The following COL11A1 variants were observed in gnomAD, a reference collection of about 807,000 sequenced individuals.
The protein encoded by COL11A1 is collagen alpha-1(XI) chain.
Under a neutral mutation model 265.2 loss-of-function variants are expected in COL11A1, and 74 were observed. That is an observed-to-expected ratio of 0.28 (90% CI 0.23 to 0.34). The LOEUF (loss-of-function observed/expected upper bound fraction) is 0.34, where lower values mean the gene tolerates loss of function less well. Among genes scored for constraint, COL11A1 ranks in the 10% least tolerant of loss-of-function variants. COL11A1 has a pLI of 1.00. For missense variants in COL11A1, 2,165 were observed against 2,263.6 expected (o/e 0.96, Z 0.88); for synonymous variants, 816 against 727.6 (o/e 1.12, Z -1.96).
intron 28 of COL11A1, among the ~76,000 whole-genome samples, chr1:102,993,473 A>T (rs2101776356): frequency 6.6e-6 from 1 of 152,288 alleles, no homozygotes; most frequent in Non-Finnish European, 1.5e-5. Flanking sequence ...AATACTGATA[A>T]TACCTAAGAA....
chr1:103,002,168 T>A (rs1022214585), intron 23 of COL11A1, among the ~76,000 whole-genome samples, 199 bp from the exon 24 acceptor site: 32 of 152,154 alleles, frequency 2.1e-4, no homozygotes, highest in African/African-American at 7.5e-4. Flanking sequence ...TATAATGCGA[T>A]CCTATTCAGA....
intron 4 of COL11A1, among the ~76,000 whole-genome samples, chr1:103,036,298 C>CTGAAAAACAAAAAAGT (rs1359392717): frequency 1.4e-5 from 2 of 138,512 alleles, no homozygotes; most frequent in African/African-American, 5.3e-5. Flanking sequence ...GAATCTATTG[C>CTGAAAAACAAAAAAGT]TGAAAAACAA....
At chr1:102,931,288 T>G (rs1009886140) in intron 46 of COL11A1, among the ~76,000 whole-genome samples, 1 of 151,586 alleles carries the variant, frequency 6.6e-6, no homozygotes, top group Non-Finnish European at 1.5e-5. Context: ...TTCTGGTATA[T>G]TGTGTCTTTG....
At chr1:102,978,107 A>G (rs1481994529) in intron 35 of COL11A1, among the ~76,000 whole-genome samples, 1 of 152,202 alleles carries the variant, frequency 6.6e-6, no homozygotes, top group African/African-American at 2.4e-5. Flanking sequence ...ACTTAAACTT[A>G]TATCAGGAGG....
intron 49 of COL11A1, among the ~76,000 whole-genome samples, chr1:102,919,613 T>C (rs1242008236): frequency 6.6e-6 from 1 of 151,994 alleles, no homozygotes; most frequent in Non-Finnish European, 1.5e-5. Context: ...CAAATATCCA[T>C]GATAATTTTC....
chr1:103,107,471 C>T (rs942613201), intron 1 of COL11A1, among the ~76,000 whole-genome samples: 4 of 151,764 alleles, frequency 2.6e-5, no homozygotes, highest in Non-Finnish European at 5.9e-5. Context: ...AATTTTTGTC[C>T]ACTTAAAATA....
chr1:102,933,779 A>C (rs1008463513), intron 46 of COL11A1, among the ~76,000 whole-genome samples: 5 of 152,104 alleles, frequency 3.3e-5, no homozygotes, highest in African/African-American at 1.2e-4. Context: ...CAGGTGCCGG[A>C]TATAATCTCG....
intron 48 of COL11A1, among the ~76,000 whole-genome samples, chr1:102,920,845 G>T (rs1282553926): frequency 6.6e-6 from 1 of 152,008 alleles, no homozygotes; most frequent in East Asian, 1.9e-4. Flanking sequence ...GTTCTGGCCT[G>T]CCAGAATTAA....
At chr1:102,937,903 C>T (rs1658317205) in intron 44 of COL11A1, among the ~76,000 whole-genome samples, 1 of 152,182 alleles carries the variant, frequency 6.6e-6, no homozygotes, top group African/African-American at 2.4e-5. Context: ...ATACTAACTG[C>T]ATCAAACATA....
At chr1:103,037,384 G>T (rs929191741) in intron 4 of COL11A1, among the ~76,000 whole-genome samples, 1 of 151,916 alleles carries the variant, frequency 6.6e-6, no homozygotes, top group African/African-American at 2.4e-5. Flanking sequence ...CTGAATTTCA[G>T]ATTGAACTCC....
intron 2 of COL11A1, among the ~76,000 whole-genome samples, chr1:103,081,710 T>C (rs1571235965): frequency 6.6e-6 from 1 of 152,068 alleles, no homozygotes; most frequent in East Asian, 1.9e-4. Context: ...TAGAAAACAG[T>C]TTCATATGAA....
intron 41 of COL11A1, among the ~76,000 whole-genome samples, chr1:102,955,974 T>C (rs1570856006): frequency 6.6e-6 from 1 of 152,174 alleles, no homozygotes; most frequent in African/African-American, 2.4e-5. Flanking sequence ...ACATCACGTA[T>C]ACAGGGAACA....
chr1:103,024,698 A>T (rs1308277553), intron 7 of COL11A1, among the ~76,000 whole-genome samples: 1 of 152,150 alleles, frequency 6.6e-6, no homozygotes, highest in African/African-American at 2.4e-5. Context: ...TCTAAAAGAA[A>T]GTTAAAATCC....
At chr1:103,002,645 G>T in intron 22 of COL11A1, 102 bp downstream of exon 22, 2 of 1,199,116 alleles carry the variant, frequency 1.7e-6, no homozygotes, top group Non-Finnish European at 2.5e-6. Flanking sequence ...AATATACTTA[G>T]CAAAATGTAA....
Position 103,014,470 on chromosome 1 carries a change from A to G in COL11A1, c.1572+41T>C, listed in dbSNP as rs1353204169. The G allele has an allele frequency of 2.0e-6, 3 of 1,479,402 alleles. No homozygotes were observed. In the South Asian group the frequency reaches 3.4e-5, roughly 17 times the overall value. The allele number at this position is 1,479,402 out of a possible 1,614,324, so 91.6% of individuals were successfully genotyped here. On this transcript the variant is annotated intron_variant, in intron 13 of 66. Transcript: ENST00000370096. Reference sequence around the variant, plus strand: ...GTACACACATATATACTTGATACAGAGTCAGTCATCTTGTGGGAATGCAAG... The same window carrying G: ...GTACACACATATATACTTGATACAGGGTCAGTCATCTTGTGGGAATGCAAG...
At chr1:102,947,506 G>C (rs1027884889) in intron 41 of COL11A1, among the ~76,000 whole-genome samples, 1 of 151,928 alleles carries the variant, frequency 6.6e-6, no homozygotes, top group Admixed American at 6.5e-5. Flanking sequence ...AAGTCTGGAC[G>C]TTTTCCCAAA....
chr1:102,932,470 C>T (rs956013016), intron 46 of COL11A1, among the ~76,000 whole-genome samples: 3 of 152,182 alleles, frequency 2.0e-5, no homozygotes, highest in Admixed American at 6.5e-5. Flanking sequence ...CGCTGTTAGT[C>T]TGATGGGCTT....
chr1:102,953,281 A>G (rs1660069127), intron 41 of COL11A1, among the ~76,000 whole-genome samples: 1 of 152,028 alleles, frequency 6.6e-6, no homozygotes, highest in African/African-American at 2.4e-5. Flanking sequence ...AATGATCTCC[A>G]GCAGTTTGAG....
At chr1:102,948,444 A>C (rs77069747) in intron 41 of COL11A1, among the ~76,000 whole-genome samples, 5,101 of 152,104 alleles carry the variant, frequency 0.034, 315 homozygotes, top group African/African-American at 0.12. Context: ...AATGTTTGTA[A>C]TTATTGGGTA....
Sources: allele counts gnomAD v4.1 joint callset (sites outside exome capture counted in the v4.1 genomes callset), GRCh38; gene constraint gnomAD v4.1.1; transcripts MANE v1.5; gene names NCBI Gene and HGNC (gene_info 2026-07-23, HGNC 2026-07-21).